GTPBP6: variants seen among roughly 807,000 people sequenced by gnomAD.
GTPBP6 encodes GTP binding protein 6.
Under a neutral mutation model 28.9 loss-of-function variants are expected in GTPBP6, and 33 were observed. The ratio of observed to expected loss-of-function variants is 1.14; its 90% CI spans 0.87 to 1.53. The LOEUF (loss-of-function observed/expected upper bound fraction) is 1.53. Ranked by LOEUF, GTPBP6 falls within the 40% of genes most tolerant of loss-of-function variation. GTPBP6 has a pLI of 0.00. For missense variants in GTPBP6, 507 were observed against 408.3 expected, an observed-to-expected ratio of 1.24 and a Z score of -2.08; for synonymous variants, 231 against 192.7, an observed-to-expected ratio of 1.20 and a Z score of -1.65.
At chrX:312,829 G>T in exon 6 of GTPBP6, 3 of 1,612,738 alleles carry the variant, frequency 1.9e-6, no homozygotes, top group Non-Finnish European at 1.7e-6. Flanking sequence ...TGCCGGCGGA[G>T]CAGGTGCCTC....
chrX:313,595 G>C (rs2070359682), intron 5 of GTPBP6, among the ~76,000 whole-genome samples: 1 of 152,192 alleles, frequency 6.6e-6, no homozygotes, highest in South Asian at 2.1e-4. Flanking sequence ...TGTCATAACT[G>C]AAGTATCTAG....
chrX:314,335 TG>T, intron 4 of GTPBP6, 118 bp from the exon 5 acceptor site: 1 of 832,656 alleles, frequency 1.2e-6, no homozygotes, highest in Non-Finnish European at 2.1e-6. Flanking sequence ...GAGGAGCCGC[TG>T]TTGCGGCCCC....
chrX:306,348 G>C (rs1308467379), intron 9 of GTPBP6, among the ~76,000 whole-genome samples: 1 of 151,376 alleles, frequency 6.6e-6, no homozygotes, highest in Non-Finnish European at 1.5e-5. Flanking sequence ...GGCACCTGTT[G>C]TATGCACAGA....
At chrX:313,307 G>A (rs1479167514) in intron 5 of GTPBP6, among the ~76,000 whole-genome samples, 1 of 152,192 alleles carries the variant, frequency 6.6e-6, no homozygotes, top group Non-Finnish European at 1.5e-5. Context: ...TTGGAAATAT[G>A]GTCTTTGTAG....
chrX:308,393 T>G (rs2070217711), intron 7 of GTPBP6, among the ~76,000 whole-genome samples: 1 of 152,220 alleles, frequency 6.6e-6, no homozygotes, highest in Non-Finnish European at 1.5e-5. Context: ...CCACGTCTAC[T>G]TTTTGTTTGT....
rs2070345233 is a variant in GTPBP6, at chrX:312,976, A to G, written c.758-52T>C. ...GGTGAGCCACGCCGGGAAAGGCACA[A>G]GTGCGGGCGGTGCCGCGGAGGGTCT... is the stretch of plus-strand genomic sequence containing the variant. On this transcript the variant is annotated intron_variant, in intron 5 of 9. Transcript: ENST00000326153. 2.6e-6 allele frequency: 4 copies of G among 1,538,098 alleles called. 1 individual carries two copies. Among genetic ancestry groups the G allele is most frequent in the Non-Finnish European group, 3.5e-6 (4 of 1,128,112 alleles).
At chrX:314,333 G>A (rs1025243944) in intron 4 of GTPBP6, 116 bp from the exon 5 acceptor site, 58 of 838,128 alleles carry the variant, frequency 6.9e-5, no homozygotes, top group African/African-American at 3.8e-4. Context: ...GGGAGGAGCC[G>A]CTGTTGCGGC....
At chrX:311,431 G>A (rs781196934) in exon 7 of GTPBP6, 12 of 1,370,746 alleles carry the variant, frequency 8.8e-6, no homozygotes, top group South Asian at 7.4e-5. Flanking sequence ...AGTGGGCCAC[G>A]TCTTCCAGGG....
chrX:304,764 T>TAAAAA (rs2070117206), exon 10 of GTPBP6: 2 of 1,220,152 alleles, frequency 1.6e-6, no homozygotes, highest in Admixed American at 8.2e-5. Context: ...GGAAGTAAAA[T>TAAAAA]CAAAGGTTTA....
chrX:314,120 CT>C, intron 5 of GTPBP6, 29 bp downstream of exon 5: 2 of 1,578,344 alleles, frequency 1.3e-6, no homozygotes, highest in Non-Finnish European at 1.7e-6. Context: ...TCCGAGGACC[CT>C]CTGGGACGCC....
intron 7 of GTPBP6, among the ~76,000 whole-genome samples, chrX:308,936 C>T (rs1010480774): frequency 2.0e-5 from 3 of 151,902 alleles, no homozygotes; most frequent in South Asian, 2.1e-4. Flanking sequence ...GGGATTTCGC[C>T]GTGGTCTCGA....
chrX:316,866 C>T (rs1168340104), intron 2 of GTPBP6, 48 bp downstream of exon 2: 23 of 398,766 alleles, frequency 5.8e-5, no homozygotes, highest in Admixed American at 3.5e-4. Context: ...TCGGTAGCGG[C>T]GGACAGGAAA....
chrX:314,849 G>C (rs1193363889), intron 4 of GTPBP6, 41 bp downstream of exon 4: 8 of 399,822 alleles, frequency 2.0e-5, no homozygotes, highest in African/African-American at 1.2e-4. Flanking sequence ...GGTTCCGGGA[G>C]TGGACGTGAC....
chrX:318,365 A>G (rs2070479139), intron 1 of GTPBP6, 74 bp downstream of exon 1: 1 of 311,864 alleles, frequency 3.2e-6, no homozygotes, highest in Non-Finnish European at 5.6e-6. Flanking sequence ...TCCACCTATG[A>G]GCCCCCTCCC....
At chrX:312,516 T>C (rs1169024476) in intron 6 of GTPBP6, 8 of 684,142 alleles carry the variant, frequency 1.2e-5, no homozygotes, top group Non-Finnish European at 2.1e-5. Context: ...GAGGATGGGG[T>C]AGATGACATC....
At chrX:307,338 C>G in intron 9 of GTPBP6, 22 bp downstream of exon 9, 1 of 1,609,936 alleles carries the variant, frequency 6.2e-7, no homozygotes. Flanking sequence ...CATCCCGTCT[C>G]CTGCCCCTGC....
At chrX:314,598 G>A (rs867273259) in intron 4 of GTPBP6, among the ~76,000 whole-genome samples, 10 of 151,936 alleles carry the variant, frequency 6.6e-5, no homozygotes, top group African/African-American at 7.2e-5. Context: ...TCAGCCTCCT[G>A]AGTAGCTGGG....
chrX:305,837 G>C (rs897475452), intron 9 of GTPBP6, among the ~76,000 whole-genome samples: 1 of 152,048 alleles, frequency 6.6e-6, no homozygotes, highest in African/African-American at 2.4e-5. Context: ...TGTTAGCCAG[G>C]CTGGTCTCGA....
chrX:312,744 C>A, intron 6 of GTPBP6, 22 bp downstream of exon 6: 1 of 1,591,904 alleles, frequency 6.3e-7, no homozygotes, highest in African/African-American at 1.3e-5. Flanking sequence ...GCGGAAGGCC[C>A]CTCCCCTGGG....
Sources: allele counts gnomAD v4.1 joint callset (sites outside exome capture counted in the v4.1 genomes callset), GRCh38; gene constraint gnomAD v4.1.1; transcripts MANE v1.5; gene names NCBI Gene and HGNC (gene_info 2026-07-23, HGNC 2026-07-21).